Variants in SUPT3H observed in about 807,000 individuals in gnomAD.
SUPT3H encodes SPT3 homolog, SAGA and STAGA complex component.
Under a neutral mutation model 44.3 loss-of-function variants are expected in SUPT3H, and 44 were observed. The ratio of observed to expected loss-of-function variants is 0.99; its 90% CI spans 0.78 to 1.28. SUPT3H has a LOEUF of 1.28. Ranked by LOEUF, SUPT3H falls within the 50% of genes most tolerant of loss-of-function variation. The pLI is 0.00. For missense variants in SUPT3H, 380 were observed against 387.1 expected, an observed-to-expected ratio of 0.98 and a Z score of 0.15; for synonymous variants, 124 against 125.6, an observed-to-expected ratio of 0.99 and a Z score of 0.09.
intron 11 of SUPT3H, among the ~76,000 whole-genome samples, chr6:44,819,816 T>C (rs1055512744): frequency 6.6e-6 from 1 of 152,078 alleles, no homozygotes; most frequent in Non-Finnish European, 1.5e-5. Context: ...CTATGTGCCA[T>C]ATCTAAAGAA....
intron 3 of SUPT3H, among the ~76,000 whole-genome samples, chr6:45,035,497 T>C (rs916627656): frequency 6.6e-6 from 1 of 152,120 alleles, no homozygotes; most frequent in African/African-American, 2.4e-5. Flanking sequence ...TAGGTAAGGA[T>C]GGAGGTGGAG....
chr6:45,289,445 T>C (rs1466542376), intron 2 of SUPT3H, among the ~76,000 whole-genome samples: 1 of 152,138 alleles, frequency 6.6e-6, no homozygotes, highest in Admixed American at 6.5e-5. Flanking sequence ...AATAAAATAT[T>C]GAGGAAGTGG....
At chr6:44,944,129 T>C (rs766835773) in intron 9 of SUPT3H, among the ~76,000 whole-genome samples, 2 of 152,000 alleles carry the variant, frequency 1.3e-5, no homozygotes, top group Non-Finnish European at 2.9e-5. Context: ...GCATGACAAT[T>C]ATAGCATAAA....
At chr6:44,839,678 G>T (rs1770565868) in intron 10 of SUPT3H, among the ~76,000 whole-genome samples, 1 of 151,872 alleles carries the variant, frequency 6.6e-6, no homozygotes, top group African/African-American at 2.4e-5. Flanking sequence ...ATCCTCAAAA[G>T]GGCCTATGAA....
intron 2 of SUPT3H, among the ~76,000 whole-genome samples, chr6:45,241,742 G>A (rs1422796541): frequency 6.6e-6 from 1 of 152,052 alleles, no homozygotes; most frequent in Non-Finnish European, 1.5e-5. Flanking sequence ...TTGTGGCCAA[G>A]AAAGTACATG....
chr6:44,854,666 G>A (rs965395651), intron 10 of SUPT3H, among the ~76,000 whole-genome samples: 2 of 152,032 alleles, frequency 1.3e-5, no homozygotes, highest in African/African-American at 4.8e-5. Context: ...CAGTGAGTAC[G>A]CCCTTATGAA....
At chr6:45,162,211 G>A (rs1051026346) in intron 2 of SUPT3H, among the ~76,000 whole-genome samples, 2 of 151,810 alleles carry the variant, frequency 1.3e-5, no homozygotes, top group Non-Finnish European at 2.9e-5. Flanking sequence ...ACAAATTAAT[G>A]AGACTCATTA....
At chr6:45,214,747 G>C (rs1764747228) in intron 2 of SUPT3H, among the ~76,000 whole-genome samples, 1 of 152,090 alleles carries the variant, frequency 6.6e-6, no homozygotes, top group South Asian at 2.1e-4. Context: ...TACTCGGGAG[G>C]GTAAGGGAGG....
chr6:44,811,059 T>C (rs1342431316), intron 11 of SUPT3H, among the ~76,000 whole-genome samples: 1 of 152,246 alleles, frequency 6.6e-6, no homozygotes, highest in East Asian at 1.9e-4. Flanking sequence ...AATATTGGTA[T>C]GTTATTTCCT....
intron 2 of SUPT3H, among the ~76,000 whole-genome samples, chr6:45,127,111 C>A (rs565310407): frequency 6.6e-6 from 1 of 152,058 alleles, no homozygotes; most frequent in Admixed American, 6.6e-5. Context: ...GTCAGGAGTT[C>A]GAGACCAGCC....
intron 2 of SUPT3H, among the ~76,000 whole-genome samples, chr6:45,176,068 G>A (rs1414032874): frequency 2.0e-5 from 3 of 152,178 alleles, no homozygotes; most frequent in Non-Finnish European, 4.4e-5. Flanking sequence ...CTTGGGGGGA[G>A]GAGCCAAGAT....
chr6:45,027,192 C>A (rs1178501438), intron 3 of SUPT3H, among the ~76,000 whole-genome samples: 1 of 151,862 alleles, frequency 6.6e-6, no homozygotes, highest in Non-Finnish European at 1.5e-5. Flanking sequence ...GGTTCTGCCA[C>A]GTTGACCAGG....
chr6:45,095,278 G>T lies in SUPT3H; in HGVS notation c.186+10644C>A, dbSNP rs1797645538. Among the ~76,000 whole-genome samples the T allele has an allele frequency of 6.6e-6, 1 of 152,002 alleles. No homozygotes were observed. Among genetic ancestry groups the T allele is most frequent in the African/African-American group, 2.4e-5 (1 of 41,370 alleles). Reference sequence around the variant, plus strand: ...TCCTATTTTGATAACCCTTATAATTGAAATTCTACATAGGAAACTTTATTA... The same window carrying T: ...TCCTATTTTGATAACCCTTATAATTTAAATTCTACATAGGAAACTTTATTA... On this transcript the variant is annotated intron_variant, in intron 3 of 10. Coordinates refer to ENST00000371459, the MANE Select transcript of SUPT3H (RefSeq NM_003599.4). The surrounding 1 kb of genome is among the most constrained non-coding windows in gnomAD (Gnocchi z 4.1).
chr6:45,074,463 T>A (rs1174004854), intron 3 of SUPT3H, among the ~76,000 whole-genome samples: 1 of 151,894 alleles, frequency 6.6e-6, no homozygotes, highest in Non-Finnish European at 1.5e-5. Context: ...AAGTGAAAGG[T>A]GCTCAATATC....
At chr6:44,932,367 T>C (rs1770716395) in intron 10 of SUPT3H, among the ~76,000 whole-genome samples, 2 of 152,156 alleles carry the variant, frequency 1.3e-5, no homozygotes, top group Admixed American at 6.5e-5. Context: ...AATTTGAGAA[T>C]AACGTTTTAT....
At chr6:44,823,283 G>A (rs565482178), downstream of SUPT3H, among the ~76,000 whole-genome samples, 4 of 152,204 alleles carry the variant, frequency 2.6e-5, no homozygotes, top group East Asian at 7.7e-4. Context: ...GAAGCAGAGA[G>A]AACAACAAGG....
At chr6:44,889,527 A>C (rs922390307) in intron 10 of SUPT3H, among the ~76,000 whole-genome samples, 2 of 152,210 alleles carry the variant, frequency 1.3e-5, no homozygotes, top group Non-Finnish European at 2.9e-5. Flanking sequence ...ATCCCTATTT[A>C]ATAAATGGTG....
intron 2 of SUPT3H, among the ~76,000 whole-genome samples, chr6:45,241,260 C>T (rs1029599323): frequency 6.6e-6 from 1 of 152,236 alleles, no homozygotes; most frequent in African/African-American, 2.4e-5. Flanking sequence ...TAAACAAAAT[C>T]TCTGCAACAC....
intron 2 of SUPT3H, among the ~76,000 whole-genome samples, chr6:45,279,984 C>T (rs1388225819): frequency 6.6e-6 from 1 of 152,128 alleles, no homozygotes; most frequent in Non-Finnish European, 1.5e-5. Flanking sequence ...TTGACAAGAA[C>T]AACAACTTTT....
Sources: allele counts gnomAD v4.1 joint callset (sites outside exome capture counted in the v4.1 genomes callset), GRCh38; gene constraint gnomAD v4.1.1; non-coding constraint Gnocchi (gnomAD v3.1); transcripts MANE v1.5; gene names NCBI Gene and HGNC (gene_info 2026-07-23, HGNC 2026-07-21).